The following FAM107B variants were observed in gnomAD, a reference collection of about 807,000 sequenced individuals.
FAM107B encodes the protein protein FAM107B.
A neutral mutation model predicts 31.5 loss-of-function variants in FAM107B; 21 were observed. That is an observed-to-expected ratio of 0.67 (90% CI 0.47 to 0.96). The LOEUF is 0.96. FAM107B is among the 40% of genes least tolerant of loss of function. FAM107B has a pLI of 0.00. For missense variants in FAM107B, 452 were observed against 377.1 expected (o/e 1.20, Z -1.64); for synonymous variants, 157 against 141.5 (o/e 1.11, Z -0.78).
intron 2 of FAM107B, among the ~76,000 whole-genome samples, chr10:14,591,573 T>C (rs75671343): frequency 0.15 from 22,765 of 152,164 alleles, 1,820 homozygotes; most frequent in South Asian, 0.21. Flanking sequence ...CAACAATCTC[T>C]AATGAAATAA....
intron 1 of FAM107B, chr10:14,723,158 C>T (rs7087109): frequency 0.037 from 18,154 of 495,080 alleles, 593 homozygotes; most frequent in African/African-American, 0.11. Flanking sequence ...AGAGCCAGTA[C>T]AAGAACAGCT....
intron 2 of FAM107B, among the ~76,000 whole-genome samples, chr10:14,627,943 G>A (rs1158899699): frequency 1.3e-5 from 2 of 152,148 alleles, no homozygotes; most frequent in South Asian, 2.1e-4. Context: ...AAGGGTAGGC[G>A]TGAATTCAAG....
intron 1 of FAM107B, among the ~76,000 whole-genome samples, chr10:14,770,997 A>T (rs1490040912): frequency 1.4e-5 from 2 of 148,090 alleles, no homozygotes; most frequent in Non-Finnish European, 3.0e-5. Context: ...AAAAAAAAAA[A>T]AAAAAAAGAT....
At chr10:14,634,030 G>A (rs1853434394) in intron 2 of FAM107B, among the ~76,000 whole-genome samples, 1 of 152,136 alleles carries the variant, frequency 6.6e-6, no homozygotes, top group South Asian at 2.1e-4. Flanking sequence ...AAAGTAGATT[G>A]TGATGTTTTG....
intron 1 of FAM107B, among the ~76,000 whole-genome samples, chr10:14,768,377 A>G (rs1025997882): frequency 2.0e-5 from 3 of 152,238 alleles, no homozygotes; most frequent in Non-Finnish European, 4.4e-5. Context: ...TGGAAGTCTC[A>G]CACTTTGAGA....
intron 1 of FAM107B, among the ~76,000 whole-genome samples, chr10:14,740,454 G>A (rs751129619): frequency 6.6e-6 from 1 of 152,160 alleles, no homozygotes. Flanking sequence ...GGGGTACGGG[G>A]GAAGGAGACA....
intron 2 of FAM107B, among the ~76,000 whole-genome samples, chr10:14,583,108 A>G (rs1478972295): frequency 6.6e-6 from 1 of 151,722 alleles, no homozygotes; most frequent in Non-Finnish European, 1.5e-5. Context: ...AAAAAAAGAA[A>G]AGAAAGAAAG....
chr10:14,669,442 C>G (rs1854490577), intron 1 of FAM107B, among the ~76,000 whole-genome samples: 3 of 151,584 alleles, frequency 2.0e-5, no homozygotes, highest in African/African-American at 7.3e-5. Context: ...TATCTGCACG[C>G]CCATATTTAT....
intron 1 of FAM107B, among the ~76,000 whole-genome samples, chr10:14,732,324 C>T (rs542555848): frequency 2.0e-5 from 3 of 152,262 alleles, no homozygotes; most frequent in East Asian, 3.9e-4. Flanking sequence ...TCCCAAAGAT[C>T]GGCAATTAAT....
At position 14,628,113 on chromosome 10, in the gene FAM107B, T is replaced by TTTTTTTTTGTTTTTTTG. The variant is rs1491190399; in HGVS notation, c.469+39520_469+39521insCAAAAAAACAAAAAAAA. Among the ~76,000 whole-genome samples the TTTTTTTTTGTTTTTTTG allele has an allele frequency of 2.0e-4, 12 of 61,072 alleles. 1 individual carries two copies. The highest frequency in any genetic ancestry group is 3.8e-4 in the Non-Finnish European group (12 of 31,420). 40.1% of individuals were successfully genotyped at this position (61,072 alleles called of 152,430 possible). On this transcript the variant is annotated intron_variant, in intron 2 of 4. Transcript: ENST00000181796. ...CCTTGTTTGTTTTTTGTTTTGCTGG[T>TTTTTTTTTGTTTTTTTG]TTTTTTTTTTTTTTTTTTTTGAGAT... is the stretch of plus-strand genomic sequence containing the variant.
chr10:14,761,509 A>G (rs1269135100), intron 1 of FAM107B, among the ~76,000 whole-genome samples: 5 of 152,208 alleles, frequency 3.3e-5, no homozygotes, highest in Non-Finnish European at 7.3e-5. Context: ...ATACGTCTGC[A>G]TAGTATTTAG....
At chr10:14,549,769 C>T (rs955380176) in intron 2 of FAM107B, among the ~76,000 whole-genome samples, 36 of 152,140 alleles carry the variant, frequency 2.4e-4, no homozygotes, top group Non-Finnish European at 4.9e-4. Context: ...CCCAGAAACT[C>T]GAAGTGATCT....
chr10:14,767,020 G>GTATATATATATATATA (rs1554757965), intron 1 of FAM107B, among the ~76,000 whole-genome samples: 3 of 30,410 alleles, frequency 9.9e-5, no homozygotes, highest in South Asian at 2.4e-3. Context: ...TCCCTGATGT[G>GTATATATATATATATA]TATGTATATA....
intron 1 of FAM107B, among the ~76,000 whole-genome samples, chr10:14,737,197 T>C (rs1173061517): frequency 6.6e-6 from 1 of 151,970 alleles, no homozygotes; most frequent in Non-Finnish European, 1.5e-5. Context: ...TTGTTAGGCT[T>C]GTAGGGCTTC....
chr10:14,666,586 T>C (rs1342810438), intron 2 of FAM107B, among the ~76,000 whole-genome samples: 1 of 152,036 alleles, frequency 6.6e-6, no homozygotes, highest in Non-Finnish European at 1.5e-5. Context: ...AAAAAATGTG[T>C]AATGGGATGA....
intron 2 of FAM107B, among the ~76,000 whole-genome samples, chr10:14,583,659 C>T (rs1851729471): frequency 6.6e-6 from 1 of 152,122 alleles, no homozygotes. Context: ...GAAGAAGAGG[C>T]TGGGCCTAAC....
intron 2 of FAM107B, among the ~76,000 whole-genome samples, chr10:14,644,904 A>G (rs1427065354): frequency 2.0e-5 from 3 of 152,190 alleles, no homozygotes; most frequent in Non-Finnish European, 4.4e-5. Context: ...TAATTATAAG[A>G]AGGGATATAC....
chr10:14,735,923 T>C (rs1324439232), intron 1 of FAM107B, among the ~76,000 whole-genome samples: 1 of 152,176 alleles, frequency 6.6e-6, no homozygotes, highest in African/African-American at 2.4e-5. Flanking sequence ...CAAAGGGCTA[T>C]TATGTATCTA....
rs572122240 is a variant in FAM107B at position 14,634,125 on chromosome 10, T to C, written c.469+33509A>G. ...GCTTTTAAGATTTCAGGCCAGGCGC[T>C]GTGGCTCACACCTGTAATCCCAGCA... On this transcript the variant is annotated intron_variant, in intron 2 of 4. Coordinates refer to ENST00000181796, the MANE Select transcript of FAM107B (RefSeq NM_031453.4). Among the ~76,000 whole-genome samples, 470 of 152,248 alleles carry C rather than the reference T, an allele frequency of 3.1e-3. 1 individual carries two copies. The highest frequency in any genetic ancestry group is 5.7e-3 in the Non-Finnish European group (387 of 68,006).
Sources: gnomAD v4.1 joint callset for allele counts (sites outside exome capture counted in the v4.1 genomes callset) on GRCh38, gnomAD v4.1.1 for gene constraint, MANE v1.5 for transcripts, NCBI Gene and HGNC (gene_info 2026-07-23, HGNC 2026-07-21) for gene names.